DLGAP2: variants seen among roughly 807,000 people sequenced by gnomAD.
DLGAP2 encodes disks large-associated protein 2.
DLGAP2 carries 26 observed loss-of-function variants against 100.3 expected under a neutral mutation model. The observed-to-expected ratio is 0.26, with a 90% CI of 0.19 to 0.36. The LOEUF (loss-of-function observed/expected upper bound fraction) is 0.36, where lower values mean the gene tolerates loss of function less well. DLGAP2 is among the 10% of genes least tolerant of loss of function. The pLI is 1.00. For missense variants in DLGAP2, 1,858 were observed against 1,453.2 expected, an observed-to-expected ratio of 1.28 and a Z score of -4.53; for synonymous variants, 886 against 630.1, an observed-to-expected ratio of 1.41 and a Z score of -6.08.
At chr8:969,976 G>C (rs541026955) in intron 2 of DLGAP2, among the ~76,000 whole-genome samples, 5 of 152,182 alleles carry the variant, frequency 3.3e-5, no homozygotes, top group Non-Finnish European at 7.4e-5. Context: ...GCAAAAAATT[G>C]TTCACACCAT....
chr8:1,291,736 C>T (rs532405197), intron 3 of DLGAP2, among the ~76,000 whole-genome samples: 1 of 152,228 alleles, frequency 6.6e-6, no homozygotes, highest in South Asian at 2.1e-4. Context: ...TTCCAGTGTG[C>T]TTTGGACCCC....
chr8:740,792 C>G (rs1351925634), intron 1 of DLGAP2, among the ~76,000 whole-genome samples: 1 of 151,986 alleles, frequency 6.6e-6, no homozygotes, highest in East Asian at 1.9e-4. Context: ...CTCAGTTATC[C>G]AAGGAGTTGA....
At chr8:1,590,128 C>T (rs551652552) in intron 6 of DLGAP2, among the ~76,000 whole-genome samples, 10 of 152,300 alleles carry the variant, frequency 6.6e-5, no homozygotes, top group African/African-American at 2.4e-4. Flanking sequence ...TCCCCATCTT[C>T]GTCCCTTCTC....
chr8:803,170 G>A (rs561468166), intron 1 of DLGAP2, among the ~76,000 whole-genome samples: 1 of 152,110 alleles, frequency 6.6e-6, no homozygotes, highest in Non-Finnish European at 1.5e-5. Flanking sequence ...TTGGGCCTGG[G>A]TTCATCCCCA....
chr8:1,668,848 C>T (rs945396542), intron 9 of DLGAP2, among the ~76,000 whole-genome samples, 170 bp downstream of exon 9: 25 of 152,168 alleles, frequency 1.6e-4, no homozygotes, highest in African/African-American at 5.8e-4. Flanking sequence ...GACCTGCCAG[C>T]GCAGTGAGTA....
At chr8:1,621,869 G>C (rs1008222888) in intron 6 of DLGAP2, 1 of 152,224 alleles carries the variant, frequency 6.6e-6, no homozygotes, top group Admixed American at 6.5e-5. Context: ...GGGCATCCCA[G>C]ATGTGGGTGC....
At chr8:1,307,662 C>T (rs935094692) in intron 3 of DLGAP2, among the ~76,000 whole-genome samples, 5 of 152,166 alleles carry the variant, frequency 3.3e-5, no homozygotes, top group East Asian at 1.9e-4. Flanking sequence ...GGGGCCTAGA[C>T]GGGTGAAAGA....
intron 2 of DLGAP2, among the ~76,000 whole-genome samples, chr8:1,132,443 T>G (rs1656968395): frequency 6.6e-6 from 1 of 152,046 alleles, no homozygotes; most frequent in South Asian, 2.1e-4. Flanking sequence ...AAAAGAGGAG[T>G]GCAAGGTTAA....
At chr8:1,213,450 C>G (rs894809639) in intron 2 of DLGAP2, among the ~76,000 whole-genome samples, 4 of 152,118 alleles carry the variant, frequency 2.6e-5, no homozygotes, top group African/African-American at 9.7e-5. Context: ...TCCTTAATGT[C>G]CTTAATGTCC....
intron 3 of DLGAP2, among the ~76,000 whole-genome samples, chr8:1,444,968 C>T (rs1797943093): frequency 6.6e-6 from 1 of 151,356 alleles, no homozygotes; most frequent in Non-Finnish European, 1.5e-5. Flanking sequence ...GACAGGGTTT[C>T]ACCGTGTTAG....
chr8:1,328,469 C>G (rs1010924033), intron 3 of DLGAP2, among the ~76,000 whole-genome samples: 2 of 151,992 alleles, frequency 1.3e-5, no homozygotes, highest in Admixed American at 6.6e-5. Flanking sequence ...AGGCTCATGC[C>G]TGACTAATTT....
At chr8:887,722 G>A (rs1797950145) in intron 1 of DLGAP2, among the ~76,000 whole-genome samples, 1 of 152,194 alleles carries the variant, frequency 6.6e-6, no homozygotes, top group Non-Finnish European at 1.5e-5. Flanking sequence ...CTGGCGTGTA[G>A]GGTTTCTGCT....
intron 2 of DLGAP2, among the ~76,000 whole-genome samples, chr8:1,163,057 A>G (rs549299857): frequency 4.6e-5 from 7 of 152,224 alleles, no homozygotes; most frequent in African/African-American, 1.4e-4. Flanking sequence ...CTGGAGTGTG[A>G]ACGTGGAGTC....
At chr8:1,339,562 A>G (rs758054212) in intron 3 of DLGAP2, among the ~76,000 whole-genome samples, 7 of 152,214 alleles carry the variant, frequency 4.6e-5, no homozygotes, top group Non-Finnish European at 7.3e-5. Context: ...AGTAGTCTTC[A>G]GTATTTCTCA....
At chr8:866,736 C>A (rs961082246) in intron 1 of DLGAP2, among the ~76,000 whole-genome samples, 1 of 152,210 alleles carries the variant, frequency 6.6e-6, no homozygotes, top group African/African-American at 2.4e-5. Flanking sequence ...GTGCTGTGAG[C>A]ATCAAAATAA....
intron 2 of DLGAP2, among the ~76,000 whole-genome samples, chr8:971,835 C>T (rs1318906073): frequency 1.3e-5 from 2 of 152,186 alleles, no homozygotes; most frequent in Non-Finnish European, 2.9e-5. Flanking sequence ...ATTCCAGCCC[C>T]ATTGTCTTCC....
At chr8:1,156,358 G>C (rs1420532684) in intron 2 of DLGAP2, among the ~76,000 whole-genome samples, 1 of 152,174 alleles carries the variant, frequency 6.6e-6, no homozygotes, top group African/African-American at 2.4e-5. Context: ...AGGAGAGTTG[G>C]GGAGGCGGCG....
intron 3 of DLGAP2, among the ~76,000 whole-genome samples, chr8:1,277,518 T>C (rs927774560): frequency 2.0e-5 from 3 of 151,888 alleles, no homozygotes; most frequent in Non-Finnish European, 4.4e-5. Context: ...GAAAAAAAAA[T>C]GATTATGAAA....
chr8:1,281,071 G>C (rs764914831), intron 3 of DLGAP2, among the ~76,000 whole-genome samples: 23 of 152,218 alleles, frequency 1.5e-4, no homozygotes, highest in Non-Finnish European at 2.6e-4. Flanking sequence ...GCCCAGCTCA[G>C]AGAATGCTGT....
Sources: gnomAD v4.1 joint callset for allele counts (sites outside exome capture counted in the v4.1 genomes callset) on GRCh38, gnomAD v4.1.1 for gene constraint, MANE v1.5 for transcripts, NCBI Gene and HGNC (gene_info 2026-07-23, HGNC 2026-07-21) for gene names.